The following RSRC1 variants were observed in gnomAD, a reference collection of about 807,000 sequenced individuals.
RSRC1 encodes the protein serine/Arginine-related protein 53.
A neutral mutation model predicts 49.1 loss-of-function variants in RSRC1; 39 were observed. The ratio of observed to expected loss-of-function variants is 0.79; its 90% CI spans 0.61 to 1.04. RSRC1 has a LOEUF of 1.04. Among genes scored for constraint, RSRC1 ranks in the 50% least tolerant of loss-of-function variants. The pLI is 0.00. For missense variants in RSRC1, 388 were observed against 402.4 expected, an observed-to-expected ratio of 0.96 and a Z score of 0.31; for synonymous variants, 143 against 130.8, an observed-to-expected ratio of 1.09 and a Z score of -0.63.
chr3:158,220,362 A>G (rs149105250), intron 4 of RSRC1, among the ~76,000 whole-genome samples: 129 of 151,660 alleles, frequency 8.5e-4, no homozygotes, highest in Middle Eastern at 3.4e-3. Context: ...GCCTCAGTCC[A>G]TCTGTCTGTA....
intron 3 of RSRC1, among the ~76,000 whole-genome samples, chr3:158,195,581 T>A (rs373898301): frequency 2.6e-5 from 4 of 152,234 alleles, no homozygotes; most frequent in South Asian, 2.1e-4. Flanking sequence ...CCCATGCCTA[T>A]GTCCTGAATG....
chr3:158,167,310 C>CT (rs1416299655), intron 3 of RSRC1, among the ~76,000 whole-genome samples: 1 of 152,136 alleles, frequency 6.6e-6, no homozygotes, highest in Non-Finnish European at 1.5e-5. Flanking sequence ...CCTCAGCTTC[C>CT]TGAGTAGCTG....
intron 5 of RSRC1, among the ~76,000 whole-genome samples, chr3:158,310,488 G>T (rs181908142): frequency 2.0e-5 from 3 of 151,410 alleles, no homozygotes; most frequent in African/African-American, 7.3e-5. Context: ...TTGGTTTTTC[G>T]CAGGAACGAA....
rs552596823 is a variant in RSRC1, at chr3:158,139,791, G to A, written c.320+15800G>A. 9.2e-5 allele frequency among the ~76,000 whole-genome samples: 14 copies of A among 152,046 alleles called. No homozygotes were observed. In the South Asian group the frequency reaches 2.1e-3, roughly 23 times the overall value. On this transcript the variant is annotated intron_variant, in intron 3 of 9. Transcript: ENST00000611884. The stretch of plus-strand genomic sequence containing the variant: ...TGAGATGACAGGCGTGTGCCACCAC[G>A]CCCAGCTAATTTCTGTATTTTTAGT...
At chr3:158,200,685 C>A (rs1300670109) in intron 3 of RSRC1, among the ~76,000 whole-genome samples, 1 of 151,880 alleles carries the variant, frequency 6.6e-6, no homozygotes, top group Non-Finnish European at 1.5e-5. Flanking sequence ...CTAAGGATTA[C>A]AGTATATGCT....
At chr3:158,257,905 C>A (rs567592141) in intron 4 of RSRC1, among the ~76,000 whole-genome samples, 1 of 152,080 alleles carries the variant, frequency 6.6e-6, no homozygotes, top group African/African-American at 2.4e-5. Context: ...AAGAAACAAG[C>A]AAAGTGAAAA....
chr3:158,167,493 G>A (rs13060100), intron 3 of RSRC1, among the ~76,000 whole-genome samples: 95,940 of 152,104 alleles, frequency 0.63, 30,887 homozygotes, highest in East Asian at 0.73. Flanking sequence ...GCCCAGGTAT[G>A]TTTTCTAAAT....
intron 6 of RSRC1, among the ~76,000 whole-genome samples, chr3:158,379,662 G>T (rs556270988): frequency 6.6e-6 from 1 of 151,956 alleles, no homozygotes; most frequent in South Asian, 2.1e-4. Flanking sequence ...CCCCTTCAAG[G>T]CCTTAATGCT....
intron 6 of RSRC1, among the ~76,000 whole-genome samples, chr3:158,418,838 A>G (rs2108333677): frequency 6.6e-6 from 1 of 152,016 alleles, no homozygotes; most frequent in Non-Finnish European, 1.5e-5. Context: ...CAAGTTTGGG[A>G]AAAGTAGCTT....
At chr3:158,300,922 T>C (rs1485143472) in intron 5 of RSRC1, among the ~76,000 whole-genome samples, 1 of 152,166 alleles carries the variant, frequency 6.6e-6, no homozygotes, top group Admixed American at 6.5e-5. Context: ...TTTCTTGGTA[T>C]ATAGTTATAT....
chr3:158,220,972 G>C (rs1345910749), intron 4 of RSRC1, among the ~76,000 whole-genome samples: 1 of 151,534 alleles, frequency 6.6e-6, no homozygotes, highest in Non-Finnish European at 1.5e-5. Flanking sequence ...AATAAAATCA[G>C]GGTTTGATAT....
At chr3:158,251,746 T>C (rs1224779553) in intron 4 of RSRC1, among the ~76,000 whole-genome samples, 1 of 152,238 alleles carries the variant, frequency 6.6e-6, no homozygotes, top group Non-Finnish European at 1.5e-5. Context: ...AAATACAAGA[T>C]CATATCATCT....
rs533398423 is a variant in RSRC1, at chr3:158,322,397, C to G, written c.531+24322C>G. 7.9e-5 allele frequency among the ~76,000 whole-genome samples: 12 copies of G among 152,198 alleles called. No homozygotes were observed. The East Asian group carries it at 1.7e-3, about 22-fold the overall frequency. On this transcript the variant is annotated intron_variant, in intron 5 of 9. Coordinates refer to ENST00000611884, the MANE Select transcript of RSRC1 (RefSeq NM_001271838.2). ...CAGGTGTGAGCCACTGCCTGTCCCCCCAGCCCACCGCAAACTAAATGTACC... is the reference window on the plus strand; with the variant it reads ...CAGGTGTGAGCCACTGCCTGTCCCCGCAGCCCACCGCAAACTAAATGTACC...
At chr3:158,470,724 CCATAATCTAATCAATTCTTAA>C in intron 7 of RSRC1, among the ~76,000 whole-genome samples, 1 of 152,192 alleles carries the variant, frequency 6.6e-6, no homozygotes, top group Non-Finnish European at 1.5e-5. Context: ...GTATATAAAA[CCATAATCTAATCAATTCTTAA>C]CATTTCCACC....
At chr3:158,139,176 G>GCA (rs1716579908) in intron 3 of RSRC1, among the ~76,000 whole-genome samples, 1 of 152,052 alleles carries the variant, frequency 6.6e-6, no homozygotes, top group African/African-American at 2.4e-5. Flanking sequence ...TCAGGCAGGT[G>GCA]GATCATCTGA....
At chr3:158,406,776 T>C (rs961862590) in intron 6 of RSRC1, among the ~76,000 whole-genome samples, 5 of 152,158 alleles carry the variant, frequency 3.3e-5, no homozygotes, top group Admixed American at 2.6e-4. Flanking sequence ...ATGGGGCAGC[T>C]AGTCAGCTAT....
intron 4 of RSRC1, among the ~76,000 whole-genome samples, chr3:158,267,540 A>AT (rs939879031): frequency 1.2e-4 from 18 of 150,176 alleles, no homozygotes; most frequent in African/African-American, 3.9e-4. Context: ...ATTTAAAAAA[A>AT]TTTTTTTTTC....
chr3:158,237,997 C>A (rs1324828259), intron 4 of RSRC1, among the ~76,000 whole-genome samples: 1 of 152,160 alleles, frequency 6.6e-6, no homozygotes, highest in African/African-American at 2.4e-5. Flanking sequence ...TCTCCTTAAG[C>A]TGATAAGTAA....
chr3:158,133,309 A>T (rs911035628), intron 3 of RSRC1, among the ~76,000 whole-genome samples: 1 of 151,964 alleles, frequency 6.6e-6, no homozygotes, highest in African/African-American at 2.4e-5. Flanking sequence ...TTTGTCTTGT[A>T]TCTGAAAATG....
Sources: allele counts gnomAD v4.1 joint callset (sites outside exome capture counted in the v4.1 genomes callset), GRCh38; gene constraint gnomAD v4.1.1; transcripts MANE v1.5; gene names NCBI Gene and HGNC (gene_info 2026-07-23, HGNC 2026-07-21).